The following ANO1 variants were observed in gnomAD, a reference collection of about 807,000 sequenced individuals.
ANO1 encodes anoctamin 1.
A neutral mutation model predicts 124.0 loss-of-function variants in ANO1; 59 were observed. The observed-to-expected ratio is 0.48, with a 90% CI of 0.39 to 0.59. The LOEUF is 0.59. Ranked by LOEUF, ANO1 falls within the 20% of genes least tolerant of loss-of-function variation. The pLI is 0.00. For synonymous variants in ANO1, 529 were observed against 532.0 expected (o/e 0.99, Z 0.08); for missense variants, 1,059 against 1,328.0 (o/e 0.80, Z 3.15).
In ANO1 at chr11:70,126,223, C is replaced by T. The variant is rs2046506223; in HGVS notation, c.1097+28C>T. On this transcript the variant is annotated intron_variant, in intron 10 of 25. Transcript: ENST00000355303. ...AGGCGGCAGCCCACCCCCACCACCC[C>T]GCAGTACACAGAGGAGCCCTCTCCT... 3.1e-6 allele frequency: 5 copies of T among 1,604,416 alleles called. No homozygotes were observed. In the South Asian group the frequency reaches 3.4e-5, roughly 11 times the overall value.
At chr11:70,090,856 C>T (rs1021993082) in intron 2 of ANO1, among the ~76,000 whole-genome samples, 4 of 152,132 alleles carry the variant, frequency 2.6e-5, no homozygotes, top group Non-Finnish European at 4.4e-5. Context: ...AAGATGAAAC[C>T]GTGATTGTGG....
rs549109216 is a variant in ANO1, at chr11:70,039,498, C to T, written c.59-39044C>T. On this transcript the variant is annotated intron_variant, in intron 1 of 27. Coordinates refer to the ANO1 transcript ENST00000531349. ...ACTTAAAACAAGAAATAGATGCAGG[C>T]AAAAAGTCAGAAAGTATCCAGTAGG... is the stretch of plus-strand genomic sequence containing the variant. Among the ~76,000 whole-genome samples, 6 of 152,248 alleles carry T rather than the reference C, an allele frequency of 3.9e-5. No individual in the cohort carries two copies. In the East Asian group the frequency reaches 1.2e-3, roughly 29 times the overall value.
At chr11:70,117,420 G>A (rs551457758) in intron 8 of ANO1, among the ~76,000 whole-genome samples, 1 of 151,994 alleles carries the variant, frequency 6.6e-6, no homozygotes, top group African/African-American at 2.4e-5. Context: ...ACTCCCCAAA[G>A]CGTTGGTCCC....
chr11:70,110,789 T>C (rs2045746189), intron 6 of ANO1, among the ~76,000 whole-genome samples: 1 of 152,236 alleles, frequency 6.6e-6, no homozygotes, highest in African/African-American at 2.4e-5. Flanking sequence ...CGCCCCCGCC[T>C]GGCTGGGCCC....
rs925325620 is a variant in ANO1, at chr11:70,107,494, G to A, written c.748-859G>A. Among the ~76,000 whole-genome samples, 5 of 121,064 alleles carry A rather than the reference G, an allele frequency of 4.1e-5. No individual in the cohort carries two copies. In the South Asian group the frequency reaches 8.2e-4, roughly 20 times the overall value. The allele number at this position is 121,064 out of a possible 152,430, so 79.4% of individuals were successfully genotyped here. A position where few individuals can be genotyped will look rare whatever the true frequency, so the allele number is the denominator to read the frequency against. On this transcript the variant is annotated intron_variant, in intron 5 of 25. Coordinates refer to ENST00000355303, the MANE Select transcript of ANO1 (RefSeq NM_018043.7). Reference sequence around the variant, plus strand: ...GACAGGTGGGTCCAGTGGAGGCGGCGGGGCGGGGAAGCGGTCAGATGGCCT... The same window carrying A: ...GACAGGTGGGTCCAGTGGAGGCGGCAGGGCGGGGAAGCGGTCAGATGGCCT...
chr11:70,103,976 C>T, intron 3 of ANO1, 23 bp from the exon 4 acceptor site: 2 of 1,607,304 alleles, frequency 1.2e-6, no homozygotes, highest in Non-Finnish European at 1.7e-6. Flanking sequence ...ACGCAGCTCC[C>T]CGGTCCCTTG....
chr11:70,029,678 G>A (rs1012979287), intron 1 of ANO1, among the ~76,000 whole-genome samples: 1 of 152,236 alleles, frequency 6.6e-6, no homozygotes, highest in Admixed American at 6.5e-5. Context: ...CCACAAACTG[G>A]TGGCTTAAGA....
At chr11:70,000,898 A>T (rs934062485) in intron 1 of ANO1, among the ~76,000 whole-genome samples, 2 of 151,130 alleles carry the variant, frequency 1.3e-5, no homozygotes, top group Admixed American at 6.6e-5. Flanking sequence ...TGAACAAAAA[A>T]GGCCAGCACA....
intron 1 of ANO1, among the ~76,000 whole-genome samples, chr11:70,008,149 T>G (rs1380281278): frequency 4.6e-5 from 7 of 152,198 alleles, no homozygotes; most frequent in Admixed American, 6.5e-5. Flanking sequence ...TTTATATATA[T>G]TAGATATTAA....
chr11:70,042,511 C>T (rs1565167273), intron 1 of ANO1, among the ~76,000 whole-genome samples: 1 of 150,120 alleles, frequency 6.7e-6, no homozygotes, highest in Non-Finnish European at 1.5e-5. Flanking sequence ...CATACATATA[C>T]ACAGAGAGAG....
intron 1 of ANO1, among the ~76,000 whole-genome samples, chr11:70,014,399 C>T (rs913662315): frequency 3.3e-5 from 5 of 152,086 alleles, no homozygotes; most frequent in Non-Finnish European, 4.4e-5. Context: ...AATGCCGTTG[C>T]AGAGCTTATC....
chr11:70,151,910 T>C (rs1010216639), intron 12 of ANO1, among the ~76,000 whole-genome samples: 3 of 152,098 alleles, frequency 2.0e-5, no homozygotes, highest in Non-Finnish European at 4.4e-5. Context: ...TCCAAAACCA[T>C]GGGAAAGGCC....
At chr11:69,999,169 C>G (rs565646068) in intron 1 of ANO1, among the ~76,000 whole-genome samples, 2 of 152,244 alleles carry the variant, frequency 1.3e-5, no homozygotes, top group African/African-American at 4.8e-5. Flanking sequence ...ATCTGCTCAG[C>G]TTCTGGGTAG....
In ANO1 at chr11:70,126,128, C is replaced by G; in HGVS notation, c.1030C>G (p.Pro344Ala). 6.2e-7 allele frequency: 1 copy of G among 1,613,748 alleles called. No homozygotes were observed. The change falls in exon 10 of 26, where the codon CCT becomes GCT. Residue 344 changes from proline to alanine, a missense_variant. By Grantham distance (27) the Pro-to-Ala change is conservative. Coordinates refer to ENST00000355303, the MANE Select transcript of ANO1 (RefSeq NM_018043.7). Reference sequence around the variant, plus strand: ...GGGCGTGTACACCCAGATGCTCATCCCTGCCTCCATCGTGGGAATCATTGT... The same window carrying G: ...GGGCGTGTACACCCAGATGCTCATCGCTGCCTCCATCGTGGGAATCATTGT... ...WLGVYTQMLI[P>A]ASIVGIIVFL... is the part of the protein sequence containing the mutation.
chr11:70,182,875 C>T (rs1271987113), intron 24 of ANO1, among the ~76,000 whole-genome samples, 189 bp downstream of exon 24: 1 of 152,006 alleles, frequency 6.6e-6, no homozygotes, highest in Admixed American at 6.6e-5. Context: ...TTGGGAGGGC[C>T]AGGCAGGAGG....
intron 1 of ANO1, among the ~76,000 whole-genome samples, chr11:70,035,020 G>A (rs1591048363): frequency 1.3e-5 from 2 of 152,064 alleles, no homozygotes; most frequent in East Asian, 3.9e-4. Context: ...TCCTATGTTG[G>A]GGGACCCCAT....
intron 1 of ANO1, among the ~76,000 whole-genome samples, chr11:70,026,119 G>A (rs1354479322): frequency 3.4e-5 from 5 of 148,238 alleles, no homozygotes; most frequent in Admixed American, 1.3e-4. Flanking sequence ...TGATGATGAC[G>A]ATGGTGCTGG....
intron 21 of ANO1, chr11:70,170,063 C>A: frequency 2.4e-6 from 1 of 424,366 alleles, no homozygotes; most frequent in South Asian, 1.7e-5. Context: ...GGGGGAGGGC[C>A]GCAGGGGCAG....
At chr11:70,130,220 G>A (rs2046695053) in intron 10 of ANO1, among the ~76,000 whole-genome samples, 1 of 152,190 alleles carries the variant, frequency 6.6e-6, no homozygotes. Context: ...TTCAAAGCAG[G>A]CCAGAGCAGG....
Sources: gnomAD v4.1 joint callset for allele counts (sites outside exome capture counted in the v4.1 genomes callset) on GRCh38, gnomAD v4.1.1 for gene constraint, MANE v1.5 for transcripts, NCBI Gene and HGNC (gene_info 2026-07-23, HGNC 2026-07-21) for gene names.